CNST: variants seen among roughly 807,000 people sequenced by gnomAD.
The protein encoded by CNST is consortin.
Under a neutral mutation model 72.4 loss-of-function variants are expected in CNST, and 39 were observed. The observed-to-expected ratio is 0.54, with a 90% confidence interval of 0.42 to 0.70. CNST has a LOEUF of 0.70. Ranked by LOEUF, CNST falls within the 30% of genes least tolerant of loss-of-function variation. The probability of loss-of-function intolerance (pLI) is 0.00; values close to 1 mark genes in which losing one functional copy is unlikely to be tolerated. For missense variants in CNST, 871 were observed against 868.5 expected, an observed-to-expected ratio of 1.00 and a Z score of -0.04; for synonymous variants, 332 against 320.1, an observed-to-expected ratio of 1.04 and a Z score of -0.40.
At chr1:246,576,505 T>C (rs1416167950) in intron 1 of CNST, among the ~76,000 whole-genome samples, 1 of 151,154 alleles carries the variant, frequency 6.6e-6, no homozygotes, top group Non-Finnish European at 1.5e-5. Context: ...CATCCTTTTT[T>C]TTTTTTCTGA....
At chr1:246,587,024 T>A (rs1269074832) in intron 1 of CNST, among the ~76,000 whole-genome samples, 1 of 152,236 alleles carries the variant, frequency 6.6e-6, no homozygotes. Context: ...TTTCTATTGC[T>A]GTTTACTTCT....
At chr1:246,567,908 G>A (rs1659821928) in intron 1 of CNST, among the ~76,000 whole-genome samples, 1 of 152,064 alleles carries the variant, frequency 6.6e-6, no homozygotes, top group South Asian at 2.1e-4. Context: ...CCCCCTCCAG[G>A]ACCTGGAGTC....
intron 9 of CNST, among the ~76,000 whole-genome samples, chr1:246,649,588 A>G (rs1195229965): frequency 6.6e-6 from 1 of 152,032 alleles, no homozygotes; most frequent in East Asian, 1.9e-4. Flanking sequence ...CATGTGGTCT[A>G]ATTTTACCTT....
At chr1:246,636,176 C>G (rs183158311) in intron 6 of CNST, among the ~76,000 whole-genome samples, 1 of 152,032 alleles carries the variant, frequency 6.6e-6, no homozygotes, top group African/African-American at 2.4e-5. Flanking sequence ...GACCAGGCTC[C>G]AGGGGGTAAC....
chr1:246,648,082 A>C, intron 9 of CNST, 45 bp downstream of exon 9: 1 of 1,552,518 alleles, frequency 6.4e-7, no homozygotes, highest in Non-Finnish European at 8.7e-7. Flanking sequence ...TGGCATTTAA[A>C]AAACATATAT....
intron 2 of CNST, among the ~76,000 whole-genome samples, chr1:246,602,821 T>C (rs1662384699): frequency 6.6e-6 from 1 of 152,142 alleles, no homozygotes; most frequent in African/African-American, 2.4e-5. Flanking sequence ...TCTGAACACC[T>C]TTCCTGAGAT....
intron 6 of CNST, among the ~76,000 whole-genome samples, 164 bp downstream of exon 6, chr1:246,634,751 G>A (rs575372090): frequency 1.3e-5 from 2 of 152,334 alleles, no homozygotes; most frequent in African/African-American, 2.4e-5. Flanking sequence ...CCCCGGGAGC[G>A]CGCCAACAGA....
chr1:246,566,569 G>T lies in CNST; in HGVS notation c.-146G>T, dbSNP rs935836592. On this transcript the variant is annotated 5_prime_UTR_variant, in exon 1 of 11. Transcript: ENST00000366513. The stretch of plus-strand genomic sequence containing the variant: ...CCGGAGCCAGGGGAGACCCGAGCAA[G>T]CTCCGTGACAGCACGTCGGCCGCCA... The T allele has an allele frequency of 9.9e-6, 4 of 405,962 alleles. No homozygotes were observed. Among genetic ancestry groups the T allele is most frequent in the African/African-American group, 4.1e-5 (2 of 48,742 alleles). 25.1% of individuals were successfully genotyped at this position (405,962 alleles called of 1,614,324 possible). A position where few individuals can be genotyped will look rare whatever the true frequency, so the allele number is the denominator to read the frequency against.
Position 246,647,141 on chromosome 1 carries a change from A to C in CNST, c.940A>C (p.Ser314Arg). ...AATTTATTTTTCTTCATCTTTAGAG[A>C]GTAAAACTTGTCTCGGCACAGAGTC... ...EGGATTKESE[S>R]KTCLGTESSK... Residue 314 changes from serine to arginine, a missense_variant and splice_region_variant, in exon 9 of 11, where the codon AGT (serine) becomes CGT (arginine). Transcript: ENST00000366513. 1 of 1,607,912 alleles carries C rather than the reference A, an allele frequency of 6.2e-7. No homozygotes were observed. Among genetic ancestry groups the C allele is most frequent in the Non-Finnish European group, 8.5e-7 (1 of 1,177,640 alleles).
intron 1 of CNST, among the ~76,000 whole-genome samples, chr1:246,578,342 G>C (rs965387309): frequency 6.6e-6 from 1 of 152,052 alleles, no homozygotes; most frequent in Non-Finnish European, 1.5e-5. Context: ...TCTAAAAAAT[G>C]GGTCTCTGAA....
At chr1:246,636,819 A>G (rs529256794) in intron 6 of CNST, among the ~76,000 whole-genome samples, 1 of 152,282 alleles carries the variant, frequency 6.6e-6, no homozygotes, top group South Asian at 2.1e-4. Flanking sequence ...ATCTTTCTAT[A>G]TGACTATGGT....
chr1:246,663,368 A>G lies in CNST; in HGVS notation c.1973-2332A>G, dbSNP rs117306363. On this transcript the variant is annotated intron_variant, in intron 10 of 10. Transcript: ENST00000366513. The stretch of plus-strand genomic sequence containing the variant: ...AAAAAAAAAAGAAAGACAAGACCGA[A>G]CTGTCCAAAAAAATACAGCATGATT... Among the ~76,000 whole-genome samples, 342 of 152,064 alleles carry G rather than the reference A, an allele frequency of 2.2e-3. 13 individuals carry two copies. The East Asian group carries it at 0.062, about 27-fold the overall frequency.
At chr1:246,661,519 CT>C (rs1344016780) in intron 10 of CNST, among the ~76,000 whole-genome samples, 1 of 152,206 alleles carries the variant, frequency 6.6e-6, no homozygotes, top group African/African-American at 2.4e-5. Flanking sequence ...AAAAGAGTGT[CT>C]CTCGAGAGCA....
rs1007693902 is a variant in CNST at position 246,578,614 on chromosome 1, T to G, written c.-52+11951T>G. On this transcript the variant is annotated intron_variant, in intron 1 of 10. Transcript: ENST00000366513. Reference sequence around the variant, plus strand: ...TGAACCCGGGAGGCGGAGGTTGCAGTGAGCCAATATCGTGCCACTGCACTC... The same window carrying G: ...TGAACCCGGGAGGCGGAGGTTGCAGGGAGCCAATATCGTGCCACTGCACTC... 2.0e-5 allele frequency among the ~76,000 whole-genome samples: 3 copies of G among 151,724 alleles called. No individual in the cohort carries two copies. The East Asian group carries it at 5.8e-4, about 29-fold the overall frequency.
intron 2 of CNST, among the ~76,000 whole-genome samples, chr1:246,603,398 C>T (rs903610789): frequency 9.2e-5 from 14 of 152,244 alleles, no homozygotes; most frequent in South Asian, 2.1e-4. Context: ...TACTGGATCA[C>T]GATCTCTACA....
intron 1 of CNST, among the ~76,000 whole-genome samples, chr1:246,590,784 A>G (rs1661495864): frequency 6.6e-6 from 1 of 151,614 alleles, no homozygotes; most frequent in Admixed American, 6.6e-5. Flanking sequence ...TTTTAAAAAT[A>G]TTAGTGGTAT....
intron 10 of CNST, among the ~76,000 whole-genome samples, chr1:246,665,160 A>T (rs1026558129): frequency 1.3e-5 from 2 of 152,166 alleles, no homozygotes; most frequent in African/African-American, 4.8e-5. Context: ...ACTTGAGGCC[A>T]GGAGTTCAAG....
chr1:246,624,913 C>T (rs1418907526), intron 3 of CNST, among the ~76,000 whole-genome samples: 1 of 152,218 alleles, frequency 6.6e-6, no homozygotes, highest in Non-Finnish European at 1.5e-5. Context: ...CTTGACCTCC[C>T]AAAGTGCTGG....
At chr1:246,598,168 A>C (rs1289586823) in intron 2 of CNST, among the ~76,000 whole-genome samples, 1 of 133,192 alleles carries the variant, frequency 7.5e-6, no homozygotes, top group Non-Finnish European at 1.6e-5. Context: ...TTTTTTTTGT[A>C]GTGGCGGGTT....
Sources: gnomAD v4.1 joint callset for allele counts (sites outside exome capture counted in the v4.1 genomes callset) on GRCh38, gnomAD v4.1.1 for gene constraint, MANE v1.5 for transcripts, NCBI Gene and HGNC (gene_info 2026-07-23, HGNC 2026-07-21) for gene names.